Variants in AFG2A observed in about 807,000 individuals in gnomAD.
AFG2A encodes the protein AAA ATPase AFG2A.
At chr4:123,160,871 T>C in the AFG2A span, among the ~76,000 whole-genome samples, 83 of 152,322 alleles carry the variant, frequency 5.4e-4, no homozygotes, top group African/African-American at 1.9e-3. Context: ...AAATTAGGCA[T>C]GGTTAGAGAT....
the AFG2A span, among the ~76,000 whole-genome samples, chr4:123,024,353 G>A: frequency 2.6e-5 from 4 of 151,782 alleles, no homozygotes; most frequent in Admixed American, 6.6e-5. Context: ...TGAAAAAAAG[G>A]CCAGGAATCC....
At chr4:123,125,312 A>C in the AFG2A span, among the ~76,000 whole-genome samples, 1 of 152,154 alleles carries the variant, frequency 6.6e-6, no homozygotes, top group African/African-American at 2.4e-5. Flanking sequence ...GAGCTTGGAA[A>C]CTGATTTACA....
the AFG2A span, among the ~76,000 whole-genome samples, chr4:123,126,953 G>T: frequency 6.6e-6 from 1 of 152,134 alleles, no homozygotes; most frequent in East Asian, 1.9e-4. Flanking sequence ...AAGTGCAGTG[G>T]CCCACACCTG....
chr4:123,304,305 T>TC, the AFG2A span, among the ~76,000 whole-genome samples: 2 of 152,050 alleles, frequency 1.3e-5, no homozygotes, highest in African/African-American at 4.8e-5. Context: ...TAAAGGGCCC[T>TC]CCCCCTGCAT....
the AFG2A span, among the ~76,000 whole-genome samples, chr4:123,237,641 C>A: frequency 7.0e-6 from 1 of 143,600 alleles, no homozygotes; most frequent in Non-Finnish European, 1.5e-5. Context: ...CCACTGCACT[C>A]CAGCCTGGGC....
chr4:123,002,360 G>T, the AFG2A span, among the ~76,000 whole-genome samples: 2 of 152,110 alleles, frequency 1.3e-5, no homozygotes, highest in Non-Finnish European at 2.9e-5. Context: ...ATGTTAGCTG[G>T]TTATTTTGCT....
the AFG2A span, chr4:122,936,119 G>A: frequency 6.2e-7 from 1 of 1,603,736 alleles, no homozygotes; most frequent in Non-Finnish European, 8.5e-7. Flanking sequence ...TGAGACTGAA[G>A]CAAAGTTACG....
the AFG2A span, among the ~76,000 whole-genome samples, chr4:123,084,269 T>A: frequency 3.8e-4 from 58 of 152,130 alleles, no homozygotes; most frequent in East Asian, 6.4e-3. Context: ...TTAGTTTCAT[T>A]GTTTTTTTCT....
At chr4:123,241,197 A>C in the AFG2A span, among the ~76,000 whole-genome samples, 1 of 152,248 alleles carries the variant, frequency 6.6e-6, no homozygotes, top group Non-Finnish European at 1.5e-5. Context: ...AAATTCTACC[A>C]TAGGTACAAA....
At chr4:122,927,709 T>C in the AFG2A span, 7 of 1,613,156 alleles carry the variant, frequency 4.3e-6, no homozygotes, top group Non-Finnish European at 5.9e-6. Flanking sequence ...TCTGCAAATA[T>C]ATGTATAGGT....
chr4:123,109,235 A>G, the AFG2A span, among the ~76,000 whole-genome samples: 1 of 152,192 alleles, frequency 6.6e-6, no homozygotes, highest in Non-Finnish European at 1.5e-5. Flanking sequence ...GTTTATCTCT[A>G]TACTCCCAGG....
chr4:122,986,493 A>G, the AFG2A span, among the ~76,000 whole-genome samples: 2 of 152,196 alleles, frequency 1.3e-5, no homozygotes, highest in African/African-American at 4.8e-5. Flanking sequence ...GAAGTAACTC[A>G]GGAATGGAAA....
At chr4:123,271,844 C>T in the AFG2A span, among the ~76,000 whole-genome samples, 1 of 138,580 alleles carries the variant, frequency 7.2e-6, no homozygotes, top group Non-Finnish European at 1.6e-5. Context: ...TAAAATTTTC[C>T]CCTGAGTATT....
chr4:122,943,173 C>T, the AFG2A span, among the ~76,000 whole-genome samples: 1 of 152,104 alleles, frequency 6.6e-6, no homozygotes, highest in Non-Finnish European at 1.5e-5. Context: ...GAGCTGAGTT[C>T]AATTCCTGGG....
the AFG2A span, among the ~76,000 whole-genome samples, chr4:123,190,725 G>C: frequency 6.6e-5 from 10 of 152,300 alleles, no homozygotes; most frequent in Admixed American, 5.9e-4. Context: ...CTTCCATAGT[G>C]TACTGTATAT....
At chr4:123,045,965 A>G in the AFG2A span, among the ~76,000 whole-genome samples, 9 of 151,830 alleles carry the variant, frequency 5.9e-5, no homozygotes, top group African/African-American at 1.9e-4. Flanking sequence ...GCGTGGTGAC[A>G]TATACCTGTA....
chr4:122,934,009 A>G, the AFG2A span: 14 of 1,375,862 alleles, frequency 1.0e-5, no homozygotes, highest in Non-Finnish European at 1.2e-5. Flanking sequence ...TAGTCTTTTC[A>G]GATAATAGAT....
chr4:123,079,728 T>C, the AFG2A span, among the ~76,000 whole-genome samples: 3 of 146,656 alleles, frequency 2.0e-5, no homozygotes, highest in Non-Finnish European at 4.5e-5. Flanking sequence ...AACTCCAGCT[T>C]TTTTTTTCTT....
the AFG2A span, among the ~76,000 whole-genome samples, chr4:123,224,979 T>C: frequency 6.6e-6 from 1 of 152,372 alleles, no homozygotes; most frequent in South Asian, 2.1e-4. Flanking sequence ...GACCATTTTT[T>C]CATGTGTCTT....
Sources: gnomAD v4.1 joint callset for allele counts (sites outside exome capture counted in the v4.1 genomes callset) on GRCh38, gnomAD v4.1.1 for gene constraint, MANE v1.5 for transcripts, NCBI Gene and HGNC (gene_info 2026-07-23, HGNC 2026-07-21) for gene names.